The following EPC1 variants were observed in gnomAD, a reference collection of about 807,000 sequenced individuals.
The protein encoded by EPC1 is enhancer of polycomb 1, also known as enhancer of polycomb homolog 1.
A neutral mutation model predicts 98.4 loss-of-function variants in EPC1; 12 were observed. The ratio of observed to expected loss-of-function variants is 0.12; its 90% CI spans 0.08 to 0.20. EPC1 has a LOEUF of 0.20. EPC1 is among the 10% of genes least tolerant of loss of function. The pLI, the probability that EPC1 is intolerant of heterozygous loss-of-function variation, is 1.00. For missense variants in EPC1, 729 were observed against 990.5 expected, an observed-to-expected ratio of 0.74 and a Z score of 3.54; for synonymous variants, 357 against 363.9, an observed-to-expected ratio of 0.98 and a Z score of 0.21.
chr10:32,343,408 A>C (rs1353657475), intron 1 of EPC1, among the ~76,000 whole-genome samples: 1 of 152,090 alleles, frequency 6.6e-6, no homozygotes, highest in East Asian at 1.9e-4. Flanking sequence ...ACAGGGTTTC[A>C]CCATGTTGGC....
At chr10:32,278,374 T>G (rs1836215225) in intron 10 of EPC1, among the ~76,000 whole-genome samples, 1 of 86,080 alleles carries the variant, frequency 1.2e-5, no homozygotes. Flanking sequence ...TTTTTTTGTT[T>G]TTTTTTTTTT....
At chr10:32,341,639 T>A (rs1009847567) in intron 1 of EPC1, among the ~76,000 whole-genome samples, 1 of 152,178 alleles carries the variant, frequency 6.6e-6, no homozygotes, top group African/African-American at 2.4e-5. Flanking sequence ...CACATTCAAA[T>A]GGTATACTGA....
chr10:32,322,723 T>A (rs780805592), intron 1 of EPC1, among the ~76,000 whole-genome samples: 15 of 152,276 alleles, frequency 9.9e-5, no homozygotes, highest in Admixed American at 2.0e-4. Flanking sequence ...GTGGCTAGTA[T>A]GAGAAATGAT....
At chr10:32,346,503 T>G in intron 1 of EPC1, 3 of 487,448 alleles carry the variant, frequency 6.2e-6, no homozygotes, top group Non-Finnish European at 1.1e-5. Flanking sequence ...GACCCCTTTG[T>G]GCCTTTCGGG....
chr10:32,344,591 G>C (rs1838625699), intron 1 of EPC1, among the ~76,000 whole-genome samples: 1 of 151,170 alleles, frequency 6.6e-6, no homozygotes, highest in Non-Finnish European at 1.5e-5. Context: ...TTCAAAACCA[G>C]TCTGGCCAAC....
intron 1 of EPC1, among the ~76,000 whole-genome samples, chr10:32,333,768 C>G (rs1335640261): frequency 6.6e-6 from 1 of 151,852 alleles, no homozygotes; most frequent in East Asian, 1.9e-4. Flanking sequence ...TAAGGCTTTA[C>G]GAGAAGGGTG....
intron 6 of EPC1, among the ~76,000 whole-genome samples, chr10:32,287,815 A>G (rs72789784): frequency 0.012 from 1,799 of 152,324 alleles, 18 homozygotes; most frequent in Non-Finnish European, 0.018. Context: ...GGGCTGAACA[A>G]TGTAAGCTTT....
rs868321037 is a variant in EPC1 at position 32,347,102 on chromosome 10, T to C, written c.-187A>G. The C allele has an allele frequency of 6.9e-7, 1 of 1,440,976 alleles. No individual in the cohort carries two copies. The highest frequency in any genetic ancestry group is 2.5e-5 in the East Asian group (1 of 40,110). 89.3% of individuals were successfully genotyped at this position (1,440,976 alleles called of 1,614,324 possible). A position where few individuals can be genotyped will look rare whatever the true frequency, so the allele number is the denominator to read the frequency against. ...GAGGCTGTGCCGCTCCGCTCCTCTC[T>C]CGCTCGCTCTCTTCAATACGCCATG... On this transcript the variant is annotated 5_prime_UTR_variant, in exon 1 of 14. Transcript: ENST00000319778.
intron 1 of EPC1, among the ~76,000 whole-genome samples, chr10:32,363,248 AT>A (rs1235762047): frequency 6.6e-6 from 1 of 151,984 alleles, no homozygotes; most frequent in African/African-American, 2.4e-5. Context: ...TAATCTTTAT[AT>A]TTTTTTGCAG....
chr10:32,346,980 C>T lies in EPC1; in HGVS notation c.-65G>A, dbSNP rs1319435447. On this transcript the variant is annotated 5_prime_UTR_variant, in exon 1 of 14. Transcript: ENST00000319778. ...CCCCGGCCAGCGGGATCATGGAGAA[C>T]CGGGGGTTCGGTCCCCACTCGCCAA... 2.0e-5 allele frequency: 31 copies of T among 1,587,916 alleles called. No homozygotes were observed. Among genetic ancestry groups the T allele is most frequent in the Non-Finnish European group, 2.6e-5 (30 of 1,172,264 alleles).
At chr10:32,369,509 T>C (rs950539522) in intron 1 of EPC1, among the ~76,000 whole-genome samples, 1 of 152,088 alleles carries the variant, frequency 6.6e-6, no homozygotes, top group African/African-American at 2.4e-5. Flanking sequence ...CGTCAAAAAA[T>C]TTGAACAAGC....
intron 1 of EPC1, among the ~76,000 whole-genome samples, chr10:32,365,000 C>T (rs1839558233): frequency 6.6e-6 from 1 of 150,894 alleles, no homozygotes; most frequent in South Asian, 2.1e-4. Flanking sequence ...CCAGGGAAGC[C>T]AAAAGATTGG....
At chr10:32,329,733 TAC>T (rs1303285162) in intron 1 of EPC1, among the ~76,000 whole-genome samples, 2 of 152,166 alleles carry the variant, frequency 1.3e-5, no homozygotes, top group Admixed American at 6.5e-5. Context: ...TTAAAAAAAT[TAC>T]AGAGGCATTA....
intron 1 of EPC1, chr10:32,345,728 T>C (rs1050253622): frequency 1.4e-6 from 1 of 697,276 alleles, no homozygotes; most frequent in Non-Finnish European, 1.8e-6. Context: ...TTGTCAACAT[T>C]TACGTGCTGA....
intron 1 of EPC1, among the ~76,000 whole-genome samples, chr10:32,341,814 A>G (rs930085778): frequency 6.6e-6 from 1 of 152,210 alleles, no homozygotes; most frequent in Non-Finnish European, 1.5e-5. Flanking sequence ...GATAAAACCA[A>G]AATGACTCAG....
At chr10:32,299,936 C>T (rs553109289) in intron 2 of EPC1, among the ~76,000 whole-genome samples, 361 of 151,976 alleles carry the variant, frequency 2.4e-3, no homozygotes, top group African/African-American at 8.2e-3. Flanking sequence ...TATTTTGAGA[C>T]GGAAGCTCGC....
rs572099216 is a variant in EPC1 at position 32,338,121 on chromosome 10, GA to G, written c.153+8641del. On this transcript the variant is annotated intron_variant, in intron 1 of 13. Transcript: ENST00000319778. ...ATATTCTCACATATCCAATCAGGAC[GA>G]AAGAGGCACATTTCAAACTGAACAA... 5.8e-3 allele frequency among the ~76,000 whole-genome samples: 876 copies of G among 152,246 alleles called. 12 individuals are homozygous for G. Among genetic ancestry groups the G allele is most frequent in the Middle Eastern group, 0.02 (6 of 294 alleles).
chr10:32,271,849 C>A lies in EPC1; in HGVS notation c.2074G>T (p.Ala692Ser). 6.2e-7 allele frequency: 1 copy of A among 1,614,046 alleles called. No individual in the cohort carries two copies. Among genetic ancestry groups the A allele is most frequent in the Non-Finnish European group, 8.5e-7 (1 of 1,180,014 alleles). ...TALVHTSPST[A>S]GSALLQPSNI... ...GAAGGCTGTAACAAAGCTGAACCTG[C>A]CGTTGATGGACTTGTATGTACAAGT... Residue 692 changes from alanine (A) to serine (S), a missense_variant, in exon 13 of 14, where the codon GCA (alanine) becomes TCA (serine). Around this residue, in one of 6 missense-constraint regions of EPC1, gnomAD observed 156 missense variants for 188.9 expected, o/e 0.83. Coordinates refer to ENST00000319778, the MANE Select transcript of EPC1 (RefSeq NM_001272004.3).
At chr10:32,269,567 T>C (rs775783916) in intron 13 of EPC1, 12 of 158,186 alleles carry the variant, frequency 7.6e-5, no homozygotes, top group Non-Finnish European at 1.4e-4. Flanking sequence ...CTAGTGGTTC[T>C]ACAGTCTAGA....
Sources: allele counts gnomAD v4.1 joint callset (sites outside exome capture counted in the v4.1 genomes callset), GRCh38; gene constraint gnomAD v4.1.1; regional missense constraint gnomAD v4.1.1; transcripts MANE v1.5; gene names NCBI Gene and HGNC (gene_info 2026-07-23, HGNC 2026-07-21).